The following GALNT2 variants were observed in gnomAD, a reference collection of about 807,000 sequenced individuals.
GALNT2 encodes the protein UDP-GalNAc:polypeptide N-acetylgalactosaminyltransferase 2.
Under a neutral mutation model 81.4 loss-of-function variants are expected in GALNT2, and 31 were observed. That is an observed-to-expected ratio of 0.38 (90% CI 0.29 to 0.51). GALNT2 has a LOEUF of 0.51. GALNT2 is among the 20% of genes least tolerant of loss of function. The pLI is 0.87. For missense variants in GALNT2, 629 were observed against 765.7 expected, an observed-to-expected ratio of 0.82 and a Z score of 2.11; for synonymous variants, 303 against 287.4, an observed-to-expected ratio of 1.05 and a Z score of -0.55.
At position 230,151,561 on chromosome 1, in the gene GALNT2, C is replaced by T. The variant is rs529765312; in HGVS notation, c.127-26657C>T. ...AGCCCTGGGAGGAGAATTTCTGATT[C>T]TCTCTACAGCAGTGCCTTCTTCTGT... On this transcript the variant is annotated intron_variant, in intron 1 of 15. Coordinates refer to ENST00000366672, the MANE Select transcript of GALNT2 (RefSeq NM_004481.5). Among the ~76,000 whole-genome samples the T allele has an allele frequency of 1.2e-4, 18 of 152,318 alleles. No individual in the cohort carries two copies. The South Asian group carries it at 3.5e-3, about 30-fold the overall frequency.
intron 3 of GALNT2, among the ~76,000 whole-genome samples, chr1:230,218,242 A>G (rs1664445876): frequency 6.6e-6 from 1 of 152,198 alleles, no homozygotes; most frequent in African/African-American, 2.4e-5. Flanking sequence ...TGTGAAGAAG[A>G]GAGGGCTGAA....
At chr1:230,252,431 C>G (rs1665575288) in intron 10 of GALNT2, among the ~76,000 whole-genome samples, 1 of 152,096 alleles carries the variant, frequency 6.6e-6, no homozygotes, top group Non-Finnish European at 1.5e-5. Flanking sequence ...GGGTAAGGCT[C>G]CTTGGGGGCA....
intron 1 of GALNT2, among the ~76,000 whole-genome samples, chr1:230,167,155 G>A (rs944738628): frequency 6.6e-6 from 1 of 151,112 alleles, no homozygotes; most frequent in African/African-American, 2.4e-5. Context: ...TTTTGGTGGT[G>A]GGGGGTGACA....
intron 14 of GALNT2, among the ~76,000 whole-genome samples, chr1:230,268,096 G>A (rs1354843501): frequency 6.6e-6 from 1 of 152,156 alleles, no homozygotes; most frequent in Non-Finnish European, 1.5e-5. Flanking sequence ...TTTCCATCTA[G>A]AACCATAGTG....
At chr1:230,084,008 A>G (rs1413777207) in intron 1 of GALNT2, among the ~76,000 whole-genome samples, 1 of 152,172 alleles carries the variant, frequency 6.6e-6, no homozygotes, top group Non-Finnish European at 1.5e-5. Flanking sequence ...ATGCCTGTGA[A>G]GGTGAGGGTC....
In GALNT2 at chr1:230,067,242, G is replaced by A. The variant is rs1174131096; in HGVS notation, c.-39G>A. On this transcript the variant is annotated 5_prime_UTR_variant, in exon 1 of 16. Transcript: ENST00000366672. ...CCCGCGGCCGGCCCAGGCAGCACTC[G>A]CGAGCAGCGGCGGCCCCGCCGGCGG... The A allele has an allele frequency of 5.6e-6, 7 of 1,240,688 alleles. No individual in the cohort carries two copies. Among genetic ancestry groups the A allele is most frequent in the Non-Finnish European group, 6.1e-6 (6 of 984,390 alleles). The allele number at this position is 1,240,688 out of a possible 1,614,324, so 76.9% of individuals were successfully genotyped here.
At chr1:230,181,559 T>TC (rs1173705832) in intron 2 of GALNT2, among the ~76,000 whole-genome samples, 4 of 137,064 alleles carry the variant, frequency 2.9e-5, no homozygotes, top group Non-Finnish European at 6.2e-5. Flanking sequence ...TTTCGTTTCC[T>TC]TTTTTTTTTT....
chr1:230,225,401 C>G (rs1235608922), intron 3 of GALNT2, among the ~76,000 whole-genome samples: 3 of 152,166 alleles, frequency 2.0e-5, no homozygotes, highest in Admixed American at 2.0e-4. Flanking sequence ...ATCCGCAGCC[C>G]AGTTTGGGGT....
At chr1:230,210,746 C>A (rs1190728089) in intron 3 of GALNT2, among the ~76,000 whole-genome samples, 1 of 152,062 alleles carries the variant, frequency 6.6e-6, no homozygotes, top group Non-Finnish European at 1.5e-5. Context: ...AGGGTGTATT[C>A]TTTTATTTAT....
At position 230,280,109 on chromosome 1, in the gene GALNT2, A is replaced by G. The variant is rs1159796620; in HGVS notation, c.*651A>G. 4.7e-6 allele frequency: 2 copies of G among 423,926 alleles called. No individual in the cohort carries two copies. Among genetic ancestry groups the G allele is most frequent in the Admixed American group, 5.0e-5 (2 of 39,830 alleles). The allele number at this position is 423,926 out of a possible 1,614,324, so 26.3% of individuals were successfully genotyped here. On this transcript the variant is annotated 3_prime_UTR_variant, in exon 16 of 16. Transcript: ENST00000366672. Reference sequence around the variant, plus strand: ...ACGGTCAGTTCCCTATGGTTTCTGTAGATCATCGTCATCTTGTATATTCCC... The same window carrying G: ...ACGGTCAGTTCCCTATGGTTTCTGTGGATCATCGTCATCTTGTATATTCCC...
At chr1:230,178,131 T>G in intron 1 of GALNT2, 87 bp from the exon 2 acceptor site, 1 of 1,037,534 alleles carries the variant, frequency 9.6e-7, no homozygotes. Context: ...AAGTGTTAAC[T>G]CTCCTAAGAC....
chr1:230,167,037 A>G (rs1662624668), intron 1 of GALNT2, among the ~76,000 whole-genome samples: 1 of 150,824 alleles, frequency 6.6e-6, no homozygotes, highest in Admixed American at 6.6e-5. Context: ...CAAATTTTCC[A>G]TTTCGTTTGT....
At chr1:230,089,772 C>T (rs1205918447) in intron 1 of GALNT2, among the ~76,000 whole-genome samples, 1 of 152,154 alleles carries the variant, frequency 6.6e-6, no homozygotes, top group Non-Finnish European at 1.5e-5. Context: ...GGTAATAGTT[C>T]ATTCTATGGA....
In GALNT2 at chr1:230,198,852, A is replaced by G. The variant is rs548289291; in HGVS notation, c.221-4285A>G. On this transcript the variant is annotated intron_variant, in intron 2 of 15. Coordinates refer to ENST00000366672, the MANE Select transcript of GALNT2 (RefSeq NM_004481.5). ...AAAAATATTTTCATAACCTTATTTA[A>G]TAAGCAAACTTTTCGCAGCCCTTTT... 2.6e-5 allele frequency among the ~76,000 whole-genome samples: 4 copies of G among 152,326 alleles called. No individual in the cohort carries two copies. The East Asian group carries it at 7.7e-4, about 29-fold the overall frequency.
intron 13 of GALNT2, chr1:230,263,210 C>G: frequency 1.8e-6 from 1 of 570,076 alleles, no homozygotes; most frequent in South Asian, 2.2e-5. Context: ...TCCTGCAGAG[C>G]TGCCCTCCCA....
In GALNT2 at chr1:230,118,052, C is replaced by T. The variant is rs544247585; in HGVS notation, c.126+50646C>T. Among the ~76,000 whole-genome samples the T allele has an allele frequency of 2.5e-4, 38 of 152,344 alleles. 1 individual carries two copies. Among genetic ancestry groups the T allele is most frequent in the South Asian group, 1.9e-3 (9 of 4,832 alleles). Reference sequence around the variant, plus strand: ...ATAACCACTGATCTTTTTACTGTCTCCATCACTTTGCCTATCCCAGAATGT... The same window carrying T: ...ATAACCACTGATCTTTTTACTGTCTTCATCACTTTGCCTATCCCAGAATGT... On this transcript the variant is annotated intron_variant, in intron 1 of 15. Coordinates refer to ENST00000366672, the MANE Select transcript of GALNT2 (RefSeq NM_004481.5).
intron 1 of GALNT2, among the ~76,000 whole-genome samples, chr1:230,123,100 T>C (rs1323887678): frequency 2.0e-5 from 3 of 152,212 alleles, no homozygotes; most frequent in African/African-American, 4.8e-5. Flanking sequence ...TTCACACTTA[T>C]TTTCAGCGTT....
At position 230,070,773 on chromosome 1, in the gene GALNT2, A is replaced by G. The variant is rs1346528715; in HGVS notation, c.126+3367A>G. ...TAGACCATGGTACACATGGAGGGGA[A>G]CGTTAGGGTGTAAAGTTGGAGAAAT... On this transcript the variant is annotated intron_variant, in intron 1 of 15. Coordinates refer to ENST00000366672, the MANE Select transcript of GALNT2 (RefSeq NM_004481.5). This position sits in a 1 kb window ranked among gnomAD's most constrained non-coding sequence, Gnocchi z 4.7. Among the ~76,000 whole-genome samples the G allele has an allele frequency of 2.6e-5, 4 of 152,216 alleles. No homozygotes were observed. Among genetic ancestry groups the G allele is most frequent in the Non-Finnish European group, 5.9e-5 (4 of 68,040 alleles).
At chr1:230,139,319 T>C (rs916183353) in intron 1 of GALNT2, among the ~76,000 whole-genome samples, 1 of 152,218 alleles carries the variant, frequency 6.6e-6, no homozygotes, top group Admixed American at 6.5e-5. Context: ...AGCCAAGTGC[T>C]CCTTCCTGGC....
Sources: gnomAD v4.1 joint callset for allele counts (sites outside exome capture counted in the v4.1 genomes callset) on GRCh38, gnomAD v4.1.1 for gene constraint, Gnocchi (gnomAD v3.1) non-coding constraint, MANE v1.5 for transcripts, NCBI Gene and HGNC (gene_info 2026-07-23, HGNC 2026-07-21) for gene names.